DBNL: variants seen among roughly 807,000 people sequenced by gnomAD.
DBNL encodes drebrin like, also known as drebrin-like protein.
DBNL carries 35 observed loss-of-function variants against 62.2 expected under a neutral mutation model. That is an observed-to-expected ratio of 0.56 (90% CI 0.43 to 0.75). DBNL has a LOEUF of 0.75. Among genes scored for constraint, DBNL ranks in the 30% least tolerant of loss-of-function variants. DBNL has a pLI of 0.00. For missense variants in DBNL, 495 were observed against 578.4 expected (o/e 0.86, Z 1.48); for synonymous variants, 197 against 218.0 (o/e 0.90, Z 0.85).
rs1752549523 is a variant in DBNL, at chr7:44,064,582, A to G, written c.*3666A>G. 1.8e-6 allele frequency: 1 copy of G among 546,948 alleles called. No homozygotes were observed. The highest frequency in any genetic ancestry group is 1.9e-5 in the African/African-American group (1 of 52,688). 33.9% of individuals were successfully genotyped at this position (546,948 alleles called of 1,614,324 possible). On this transcript the variant is annotated 3_prime_UTR_variant, in exon 13 of 13. Transcript: ENST00000448521. ...GTCCCTTGGCAGATGCCACCTTTGG[A>G]GCCTGCCCCACCTCGGGACACAGCG...
intron 1 of DBNL, among the ~76,000 whole-genome samples, chr7:44,045,351 G>A (rs79336004): frequency 0.15 from 22,797 of 152,182 alleles, 2,059 homozygotes; most frequent in African/African-American, 0.26. Flanking sequence ...CTGGGTTCTT[G>A]GCTGTCTGTG....
rs376733416 is a variant in DBNL, at chr7:44,060,066, G to A, written c.1066G>A (p.Gly356Ser). ...QPPLVQQQGA[G>S]SEHIDHHIQG... Reference sequence around the variant, plus strand: ...TGGGCAGGTGCAGCAGCAAGGTGCTGGCTCTGAGCACATTGACCACCACAT... The same window carrying A: ...TGGGCAGGTGCAGCAGCAAGGTGCTAGCTCTGAGCACATTGACCACCACAT... The change falls in exon 12 of 13, where the codon GGC becomes AGC. Residue 356 changes from glycine to serine, a missense_variant. Transcript: ENST00000448521. The surrounding 1 kb of genome is among the most constrained non-coding windows in gnomAD (Gnocchi z 6.3). 2.6e-4 allele frequency: 413 copies of A among 1,613,518 alleles called. No individual in the cohort carries two copies. The highest frequency in any genetic ancestry group is 4.8e-4 in the Admixed American group (29 of 60,012).
chr7:44,064,874 C>T lies in DBNL; in HGVS notation c.*3958C>T, dbSNP rs1308084353. ...ATGCCCCGCAGGCTGTTCCCGTGGG[C>T]TGCAATGAGCACTCGCTTGCCGGCC... On this transcript the variant is annotated 3_prime_UTR_variant, in exon 13 of 13. Transcript: ENST00000448521. 1 of 1,404,632 alleles carries T rather than the reference C, an allele frequency of 7.1e-7. No homozygotes were observed. The allele number at this position is 1,404,632 out of a possible 1,614,324, so 87.0% of individuals were successfully genotyped here. A position where few individuals can be genotyped will look rare whatever the true frequency, so the allele number is the denominator to read the frequency against.
At position 44,065,252 on chromosome 7, in the gene DBNL, C is replaced by G; in HGVS notation, c.*4336C>G. The G allele has an allele frequency of 1.2e-6, 2 of 1,613,864 alleles. No homozygotes were observed. ...TGCCTTGTTGAGGCCTGTGAGGCCCCCGTAATGCCGCTCATTGAGGCGCCA... is the reference window on the plus strand; with the variant it reads ...TGCCTTGTTGAGGCCTGTGAGGCCCGCGTAATGCCGCTCATTGAGGCGCCA... On this transcript the variant is annotated 3_prime_UTR_variant, in exon 13 of 13. Transcript: ENST00000448521.
At chr7:44,057,688 T>C in intron 5 of DBNL, 94 bp from the exon 6 acceptor site, 1 of 1,394,318 alleles carries the variant, frequency 7.2e-7, no homozygotes, top group Non-Finnish European at 1.0e-6. Flanking sequence ...CACTCACCTG[T>C]GCTGTCGCAA....
chr7:44,057,909 T>C (rs778262161), intron 6 of DBNL, 50 bp downstream of exon 6: 4 of 1,611,002 alleles, frequency 2.5e-6, no homozygotes, highest in Non-Finnish European at 3.4e-6. Context: ...TTCTGCTTGC[T>C]GTGGCTCATC....
chr7:44,060,952 A>G lies in DBNL; in HGVS notation c.*36A>G. 6.2e-7 allele frequency: 1 copy of G among 1,602,186 alleles called. No individual in the cohort carries two copies. Among genetic ancestry groups the G allele is most frequent in the Non-Finnish European group, 8.5e-7 (1 of 1,173,112 alleles). ...ACATCTTGCCCTTCCCCTCTCAGAC[A>G]TGGCTTCCTTATTGCTGGAAGAGGA... On this transcript the variant is annotated 3_prime_UTR_variant, in exon 13 of 13. Coordinates refer to ENST00000448521, the MANE Select transcript of DBNL (RefSeq NM_001014436.3). This position sits in a 1 kb window ranked among gnomAD's most constrained non-coding sequence, Gnocchi z 6.3.
At chr7:44,055,485 C>T (rs2096134606) in intron 4 of DBNL, among the ~76,000 whole-genome samples, 1 of 152,094 alleles carries the variant, frequency 6.6e-6, no homozygotes, top group African/African-American at 2.4e-5. Context: ...CCCAAAAAAC[C>T]ATACTGTTTT....
In DBNL at chr7:44,053,708, G is replaced by T. The variant is rs1212634560; in HGVS notation, c.327+767G>T. The stretch of plus-strand genomic sequence containing the variant: ...TTTTTTTTTTTTGAGACTGAGTCTC[G>T]CTCCGTTGCCCAGGCTGGAGTGCAG... On this transcript the variant is annotated intron_variant, in intron 4 of 12. Transcript: ENST00000448521. 3.4e-5 allele frequency among the ~76,000 whole-genome samples: 5 copies of T among 145,258 alleles called. No homozygotes were observed. The Admixed American group carries it at 3.5e-4, about 10-fold the overall frequency.
intron 1 of DBNL, among the ~76,000 whole-genome samples, chr7:44,049,153 C>T (rs769399103): frequency 3.7e-4 from 56 of 151,978 alleles, no homozygotes; most frequent in Non-Finnish European, 6.5e-4. Context: ...CCCACCTGGC[C>T]CAGAGTTCTG....
At chr7:44,049,168 T>G (rs774834601) in intron 1 of DBNL, among the ~76,000 whole-genome samples, 5 of 152,086 alleles carry the variant, frequency 3.3e-5, no homozygotes, top group Non-Finnish European at 5.9e-5. Flanking sequence ...GTTCTGTTCT[T>G]TTTTTTGAGA....
intron 1 of DBNL, among the ~76,000 whole-genome samples, chr7:44,047,406 A>C (rs931261777): frequency 6.6e-6 from 1 of 152,176 alleles, no homozygotes; most frequent in African/African-American, 2.4e-5. Context: ...GGGCAGATAG[A>C]GTGGGGAGCA....
chr7:44,059,955 C>A lies in DBNL; in HGVS notation c.1048-93C>A. 1 of 1,294,896 alleles carries A rather than the reference C, an allele frequency of 7.7e-7. No individual in the cohort carries two copies. The highest frequency in any genetic ancestry group is 1.3e-5 in the South Asian group (1 of 75,830). 80.2% of individuals were successfully genotyped at this position (1,294,896 alleles called of 1,614,324 possible). A position where few individuals can be genotyped will look rare whatever the true frequency, so the allele number is the denominator to read the frequency against. On this transcript the variant is annotated intron_variant, in intron 11 of 12. Coordinates refer to ENST00000448521, the MANE Select transcript of DBNL (RefSeq NM_001014436.3). The surrounding 1 kb of genome is among the most constrained non-coding windows in gnomAD (Gnocchi z 4.1). ...GAGCCTGTAGACTGCTTGCCCTCTG[C>A]GTACTCCCAGCTTGACCTGAGCCAT... is the stretch of plus-strand genomic sequence containing the variant.
In DBNL at chr7:44,068,593, T is replaced by C. The variant is rs1370169168; in HGVS notation, c.*7677T>C. 1 of 152,148 alleles carries C rather than the reference T, an allele frequency of 6.6e-6. No individual in the cohort carries two copies. The highest frequency in any genetic ancestry group is 1.5e-5 in the Non-Finnish European group (1 of 68,024). The allele number at this position is 152,148 out of a possible 1,614,324, so 9.4% of individuals were successfully genotyped here. ...TATGAAAACCAGGAAAATCTTAACA[T>C]GGGAGAAAAGAAGATGATCAATACA... On this transcript the variant is annotated 3_prime_UTR_variant, in exon 13 of 13. Coordinates refer to ENST00000448521, the MANE Select transcript of DBNL (RefSeq NM_001014436.3).
rs988553671 is a variant in DBNL at position 44,062,525 on chromosome 7, C to T, written c.*1609C>T. 5 of 562,838 alleles carry T rather than the reference C, an allele frequency of 8.9e-6. No individual in the cohort carries two copies. The African/African-American group carries it at 9.4e-5, about 11-fold the overall frequency. The allele number at this position is 562,838 out of a possible 1,614,324, so 34.9% of individuals were successfully genotyped here. ...TGGCTCTGAAGCTTCAGGGTCACCA[C>T]AGGCTTGTCCTGACTGCAAACTCAT... On this transcript the variant is annotated 3_prime_UTR_variant, in exon 13 of 13. Coordinates refer to ENST00000448521, the MANE Select transcript of DBNL (RefSeq NM_001014436.3).
rs1183658668 is a variant in DBNL at position 44,060,904 on chromosome 7, GC to G, written c.1282del (p.Leu428SerfsTer65). ...FGMFPANYVE[L>X]IE ...GCATGTTCCCTGCCAACTACGTGGAGCTCATTGAGTGAGGCTGAGGGCACAT... is the reference window on the plus strand; with the variant it reads ...GCATGTTCCCTGCCAACTACGTGGAGTCATTGAGTGAGGCTGAGGGCACAT... On this transcript the variant is annotated frameshift_variant, in exon 13 of 13. Coordinates refer to ENST00000448521, the MANE Select transcript of DBNL (RefSeq NM_001014436.3). LOFTEE classifies it high-confidence loss of function. The surrounding 1 kb of genome is among the most constrained non-coding windows in gnomAD (Gnocchi z 6.3). The G allele has an allele frequency of 6.2e-7, 1 of 1,613,888 alleles. No individual in the cohort carries two copies.
In DBNL at chr7:44,063,470, G is replaced by C. The variant is rs1335167828; in HGVS notation, c.*2554G>C. On this transcript the variant is annotated 3_prime_UTR_variant, in exon 13 of 13. Transcript: ENST00000448521. ...CTAATTTTGTATTTTTAGTAGAAAC[G>C]GGTTTTACCATGTTGGTCAGGCTGG... 1 of 185,562 alleles carries C rather than the reference G, an allele frequency of 5.4e-6. No individual in the cohort carries two copies. The highest frequency in any genetic ancestry group is 5.3e-5 in the Admixed American group (1 of 18,714). 11.5% of individuals were successfully genotyped at this position (185,562 alleles called of 1,614,324 possible). A position where few individuals can be genotyped will look rare whatever the true frequency, so the allele number is the denominator to read the frequency against.
In DBNL at chr7:44,046,307, C is replaced by T; in HGVS notation, c.83+1487C>T. Among the ~76,000 whole-genome samples, 2 of 152,204 alleles carry T rather than the reference C, an allele frequency of 1.3e-5. 1 individual carries two copies. The highest frequency in any genetic ancestry group is 2.9e-5 in the Non-Finnish European group (2 of 68,042). ...CCCTGGCAGACTTACCTAGGAGCTT[C>T]CTGGCACTCCTCATCTATCTCCCTT... is the stretch of plus-strand genomic sequence containing the variant. On this transcript the variant is annotated intron_variant, in intron 1 of 12. Transcript: ENST00000448521.
At chr7:44,052,031 T>G (rs2096127478) in intron 3 of DBNL, 89 bp downstream of exon 3, 1 of 1,152,130 alleles carries the variant, frequency 8.7e-7, no homozygotes, top group Admixed American at 1.9e-5. Context: ...ACAAAGTGTT[T>G]TACTGGCATG....
Sources: gnomAD v4.1 joint callset for allele counts (sites outside exome capture counted in the v4.1 genomes callset) on GRCh38, gnomAD v4.1.1 for gene constraint, Gnocchi (gnomAD v3.1) non-coding constraint, MANE v1.5 for transcripts, NCBI Gene and HGNC (gene_info 2026-07-23, HGNC 2026-07-21) for gene names.